Variants in ABHD2 observed in about 807,000 individuals in gnomAD.
ABHD2 encodes abhydrolase domain containing 2, acylglycerol lipase.
ABHD2 carries 20 observed loss-of-function variants against 48.1 expected under a neutral mutation model. The ratio of observed to expected loss-of-function variants is 0.42; its 90% CI spans 0.29 to 0.60. ABHD2 has a LOEUF of 0.60. Ranked by LOEUF, ABHD2 falls within the 20% of genes least tolerant of loss-of-function variation. The pLI is 0.24. For missense variants in ABHD2, 405 were observed against 550.9 expected, an observed-to-expected ratio of 0.74 and a Z score of 2.65; for synonymous variants, 209 against 214.2, an observed-to-expected ratio of 0.98 and a Z score of 0.21.
In ABHD2 at chr15:89,135,603, TTCC is replaced by T. The variant is rs1168492237; in HGVS notation, c.195-16068_195-16066del. 63 of 1,541,020 alleles carry T rather than the reference TTCC, an allele frequency of 4.1e-5. 1 individual carries two copies. The highest frequency in any genetic ancestry group is 5.1e-5 in the Non-Finnish European group (58 of 1,139,894). On this transcript the variant is annotated intron_variant, in intron 3 of 10. Coordinates refer to ENST00000352732, the MANE Select transcript of ABHD2 (RefSeq NM_152924.5). The stretch of plus-strand genomic sequence containing the variant: ...TCTTATCCTCTTCATCTTCCTCATC[TTCC>T]TCCTCTTCCTTCTTTTTCTTGCTTT...
rs929654863 is a variant in ABHD2, at chr15:89,146,589, A to C, written c.195-5088A>C. Reference sequence around the variant, plus strand: ...TTTATTAACCGCTGGCCACGGCACAACATTGGCCACAATACCATAAGGATT... The same window carrying C: ...TTTATTAACCGCTGGCCACGGCACACCATTGGCCACAATACCATAAGGATT... On this transcript the variant is annotated intron_variant, in intron 3 of 10. Coordinates refer to ENST00000352732, the MANE Select transcript of ABHD2 (RefSeq NM_152924.5). This position sits in a 1 kb window ranked among gnomAD's most constrained non-coding sequence, Gnocchi z 4.2. 3.3e-5 allele frequency among the ~76,000 whole-genome samples: 5 copies of C among 152,132 alleles called. No individual in the cohort carries two copies. Among genetic ancestry groups the C allele is most frequent in the Non-Finnish European group, 7.4e-5 (5 of 68,024 alleles).
In ABHD2 at chr15:89,174,411, G is replaced by A. The variant is rs1485774063; in HGVS notation, c.539-1401G>A. ...CAGAATCAGCTTCTCTGGAGTTGAG[G>A]CCCAGGAATGGTCATTTCTAACACC... On this transcript the variant is annotated intron_variant, in intron 5 of 10. Coordinates refer to ENST00000352732, the MANE Select transcript of ABHD2 (RefSeq NM_152924.5). This position sits in a 1 kb window ranked among gnomAD's most constrained non-coding sequence, Gnocchi z 4.1. 1.3e-5 allele frequency among the ~76,000 whole-genome samples: 2 copies of A among 152,150 alleles called. No homozygotes were observed. The highest frequency in any genetic ancestry group is 1.3e-4 in the Admixed American group (2 of 15,276).
chr15:89,142,257 A>G (rs1267120603), intron 3 of ABHD2, among the ~76,000 whole-genome samples: 1 of 152,256 alleles, frequency 6.6e-6, no homozygotes, highest in Non-Finnish European at 1.5e-5. Context: ...CATTTTAAAA[A>G]GGACTTTGAA....
chr15:89,042,311 T>C, the ABHD2 span, among the ~76,000 whole-genome samples: 113 of 152,274 alleles, frequency 7.4e-4, no homozygotes, highest in African/African-American at 2.6e-3. Flanking sequence ...TCCATAACAC[T>C]ATAGTCTTGC....
chr15:89,121,968 A>G (rs1053498080), intron 3 of ABHD2, among the ~76,000 whole-genome samples: 3 of 152,166 alleles, frequency 2.0e-5, no homozygotes, highest in Non-Finnish European at 4.4e-5. Flanking sequence ...CTGGGACTAC[A>G]GGTGGGCACC....
intron 6 of ABHD2, chr15:89,183,380 A>ATAT (rs1198026419): frequency 1.9e-3 from 110 of 58,294 alleles, no homozygotes; most frequent in African/African-American, 4.4e-3. Context: ...AAAAAAAAAA[A>ATAT]AAAAATATAT....
chr15:89,065,646 T>G, the ABHD2 span, among the ~76,000 whole-genome samples: 1 of 152,208 alleles, frequency 6.6e-6, no homozygotes, highest in Admixed American at 6.5e-5. Context: ...TTCAAATGAA[T>G]ATAGGCTTTT....
chr15:89,112,595 G>A (rs2049892950), intron 1 of ABHD2, among the ~76,000 whole-genome samples: 1 of 152,182 alleles, frequency 6.6e-6, no homozygotes, highest in Admixed American at 6.5e-5. Flanking sequence ...TCCTTCAATG[G>A]GCTTTGTTTT....
In ABHD2 at chr15:89,188,263, A is replaced by G. The variant is rs757451013; in HGVS notation, c.886A>G (p.Thr296Ala). ...AGACACGGACTTGAGCCGGCTCTAC[A>G]CAGCAACATCCCTGATGCAGATTGA... ...LEDTDLSRLYTATSLMQIDDN... is the reference protein window; with the variant it reads ...LEDTDLSRLYAATSLMQIDDN... The change falls in exon 8 of 11, where the codon ACA becomes GCA. Residue 296 changes from threonine (T) to alanine (A), a missense_variant. By Grantham distance (58) the Thr-to-Ala change is moderately conservative (BLOSUM62 0). Transcript: ENST00000352732. This position sits in a 1 kb window ranked among gnomAD's most constrained non-coding sequence, Gnocchi z 4.1. 3.7e-6 allele frequency: 6 copies of G among 1,614,224 alleles called. No homozygotes were observed. The East Asian group carries it at 1.1e-4, about 30-fold the overall frequency.
the ABHD2 span, among the ~76,000 whole-genome samples, chr15:89,056,467 C>T: frequency 6.6e-6 from 1 of 151,900 alleles, no homozygotes; most frequent in Non-Finnish European, 1.5e-5. Flanking sequence ...ACGGTGAAAC[C>T]CCGTCTCTAC....
chr15:89,135,546 TTCA>T (rs2050294367), intron 3 of ABHD2: 2 of 1,412,716 alleles, frequency 1.4e-6, no homozygotes, highest in Admixed American at 1.8e-5. Context: ...AACCAACTTA[TTCA>T]TCATCATCTT....
rs2049716023 is a variant in ABHD2, at chr15:89,102,449, G to C, written c.-106-11276G>C. The C allele has an allele frequency of 6.6e-6, 1 of 152,252 alleles. No individual in the cohort carries two copies. Among genetic ancestry groups the C allele is most frequent in the African/African-American group, 2.4e-5 (1 of 41,452 alleles). 9.4% of individuals were successfully genotyped at this position (152,252 alleles called of 1,614,324 possible). On this transcript the variant is annotated intron_variant, in intron 1 of 10. Coordinates refer to ENST00000352732, the MANE Select transcript of ABHD2 (RefSeq NM_152924.5). The surrounding 1 kb of genome is among the most constrained non-coding windows in gnomAD (Gnocchi z 4.8). The stretch of plus-strand genomic sequence containing the variant: ...TGGGGAGTGAGGTGGAATGTCAGGA[G>C]GGCGTAGTTTGCAAAACATCCCTCC...
the ABHD2 span, among the ~76,000 whole-genome samples, chr15:89,059,015 A>G: frequency 2.6e-5 from 4 of 152,198 alleles, no homozygotes; most frequent in African/African-American, 9.6e-5. Flanking sequence ...TTTGCCTGAA[A>G]TGAAAAATTC....
chr15:89,144,338 G>A (rs972403152), intron 3 of ABHD2, among the ~76,000 whole-genome samples: 1 of 152,122 alleles, frequency 6.6e-6, no homozygotes, highest in African/African-American at 2.4e-5. Flanking sequence ...TCACCATGTT[G>A]ACCAGGCTGG....
chr15:89,048,215 T>G, the ABHD2 span, among the ~76,000 whole-genome samples: 1 of 151,784 alleles, frequency 6.6e-6, no homozygotes, highest in Non-Finnish European at 1.5e-5. Context: ...TTAAGAATGT[T>G]GAATATTGGC....
rs932587878 is a variant in ABHD2, at chr15:89,120,280, C to T, written c.194+3759C>T. 1.3e-5 allele frequency among the ~76,000 whole-genome samples: 2 copies of T among 152,048 alleles called. No homozygotes were observed. The highest frequency in any genetic ancestry group is 2.4e-5 in the African/African-American group (1 of 41,388). On this transcript the variant is annotated intron_variant, in intron 3 of 10. Coordinates refer to ENST00000352732, the MANE Select transcript of ABHD2 (RefSeq NM_152924.5). This position sits in a 1 kb window ranked among gnomAD's most constrained non-coding sequence, Gnocchi z 4.2. Reference sequence around the variant, plus strand: ...GTCTCCTGTTCTCTTAGAAACAGATCAATATTTACCTAGTGATTCATTTTT... The same window carrying T: ...GTCTCCTGTTCTCTTAGAAACAGATTAATATTTACCTAGTGATTCATTTTT...
chr15:89,150,534 C>A (rs1482790533), intron 3 of ABHD2, among the ~76,000 whole-genome samples: 1 of 152,144 alleles, frequency 6.6e-6, no homozygotes, highest in African/African-American at 2.4e-5. Context: ...TCCCCTCCTC[C>A]CCTCCCCCGA....
chr15:89,129,012 C>T (rs1362440475), intron 3 of ABHD2, among the ~76,000 whole-genome samples: 2 of 152,030 alleles, frequency 1.3e-5, no homozygotes, highest in Non-Finnish European at 2.9e-5. Flanking sequence ...GGTTACTGAG[C>T]GGTTGAGAGA....
Position 89,164,501 on chromosome 15 carries a change from A to T in ABHD2, c.538+8967A>T, listed in dbSNP as rs1428577754. On this transcript the variant is annotated intron_variant, in intron 5 of 10. Coordinates refer to ENST00000352732, the MANE Select transcript of ABHD2 (RefSeq NM_152924.5). This position sits in a 1 kb window ranked among gnomAD's most constrained non-coding sequence, Gnocchi z 5.0. ...AGAAAGACTGTTAAGAAATTTGGCA[A>T]TAAGTCCCAGCATGGTGGCTCACAC... Among the ~76,000 whole-genome samples, 1 of 152,132 alleles carries T rather than the reference A, an allele frequency of 6.6e-6. No individual in the cohort carries two copies. Among genetic ancestry groups the T allele is most frequent in the African/African-American group, 2.4e-5 (1 of 41,438 alleles).
Sources: allele counts gnomAD v4.1 joint callset (sites outside exome capture counted in the v4.1 genomes callset), GRCh38; gene constraint gnomAD v4.1.1; non-coding constraint Gnocchi (gnomAD v3.1); transcripts MANE v1.5; gene names NCBI Gene and HGNC (gene_info 2026-07-23, HGNC 2026-07-21).